The following CTIF variants were observed in gnomAD, a reference collection of about 807,000 sequenced individuals.
CTIF encodes cap binding complex dependent translation initiation factor.
Under a neutral mutation model 66.0 loss-of-function variants are expected in CTIF, and 21 were observed. The observed-to-expected ratio is 0.32, with a 90% CI of 0.23 to 0.46. CTIF has a LOEUF of 0.46. Among genes scored for constraint, CTIF ranks in the 20% least tolerant of loss-of-function variants. CTIF has a pLI of 1.00. For missense variants in CTIF, 739 were observed against 812.7 expected (o/e 0.91, Z 1.10); for synonymous variants, 345 against 326.4 (o/e 1.06, Z -0.62).
chr18:48,838,508 C>T lies in CTIF; in HGVS notation c.1528-19080C>T, dbSNP rs150495877. ...TTGATTTTTGTCCGCCCCCCTGAAA[C>T]GAGTCCCCTTTATAGTCACACTTCA... On this transcript the variant is annotated intron_variant, in intron 10 of 11. Transcript: ENST00000256413. Among the ~76,000 whole-genome samples, 106 of 152,274 alleles carry T rather than the reference C, an allele frequency of 7.0e-4. 2 individuals carry two copies. In the East Asian group the frequency reaches 8.5e-3, roughly 12 times the overall value.
At position 48,684,617 on chromosome 18, in the gene CTIF, A is replaced by C. The variant is rs55985802; in HGVS notation, c.507+13873A>C. Among the ~76,000 whole-genome samples, 74 of 152,218 alleles carry C rather than the reference A, an allele frequency of 4.9e-4. 1 individual carries two copies. In the East Asian group the frequency reaches 0.012, roughly 25 times the overall value. On this transcript the variant is annotated intron_variant, in intron 6 of 11. Coordinates refer to ENST00000256413, the MANE Select transcript of CTIF (RefSeq NM_014772.3). ...GAATTTTACTTAAATGTTTAATCAGATGATTACTTCATTAACGAATCCTGC... is the reference window on the plus strand; with the variant it reads ...GAATTTTACTTAAATGTTTAATCAGCTGATTACTTCATTAACGAATCCTGC...
chr18:48,800,858 A>G (rs1203548284), intron 9 of CTIF, among the ~76,000 whole-genome samples: 1 of 152,172 alleles, frequency 6.6e-6, no homozygotes, highest in Non-Finnish European at 1.5e-5. Flanking sequence ...AGTGATTTTC[A>G]TGTATTTTTA....
At chr18:48,831,136 C>A (rs2068682785) in intron 10 of CTIF, among the ~76,000 whole-genome samples, 1 of 152,166 alleles carries the variant, frequency 6.6e-6, no homozygotes, top group Admixed American at 6.5e-5. Flanking sequence ...GAGATGAGCT[C>A]AGAACGGGAA....
intron 9 of CTIF, among the ~76,000 whole-genome samples, chr18:48,777,056 T>C (rs1910749912): frequency 1.3e-5 from 2 of 152,218 alleles, no homozygotes; most frequent in South Asian, 4.1e-4. Context: ...AAACAGAGGG[T>C]GCCTGCTAAA....
chr18:48,596,921 A>C (rs959004725), intron 1 of CTIF, among the ~76,000 whole-genome samples: 1 of 152,176 alleles, frequency 6.6e-6, no homozygotes, highest in African/African-American at 2.4e-5. Context: ...AAGGAAGGAG[A>C]GAATGGATTT....
At chr18:48,693,722 A>T (rs1160187323) in intron 6 of CTIF, among the ~76,000 whole-genome samples, 1 of 152,212 alleles carries the variant, frequency 6.6e-6, no homozygotes, top group South Asian at 2.1e-4. Context: ...GCAAGGGTCT[A>T]TCGGCCATGA....
At chr18:48,744,295 G>A (rs1171037894) in intron 7 of CTIF, among the ~76,000 whole-genome samples, 1 of 152,134 alleles carries the variant, frequency 6.6e-6, no homozygotes, top group Non-Finnish European at 1.5e-5. Flanking sequence ...CAATTTTATT[G>A]TATTTCATTT....
chr18:48,593,626 C>G (rs2089934504), intron 1 of CTIF, among the ~76,000 whole-genome samples: 1 of 152,044 alleles, frequency 6.6e-6, no homozygotes, highest in South Asian at 2.1e-4. Flanking sequence ...TCGTGATCCG[C>G]CCGCCTCAGC....
chr18:48,570,343 G>T (rs951850548), intron 1 of CTIF, among the ~76,000 whole-genome samples: 1 of 152,240 alleles, frequency 6.6e-6, no homozygotes, highest in African/African-American at 2.4e-5. Context: ...GTTGCTGTTT[G>T]GGTGCCAGAG....
At chr18:48,689,982 G>T (rs1423792818) in intron 6 of CTIF, among the ~76,000 whole-genome samples, 1 of 152,104 alleles carries the variant, frequency 6.6e-6, no homozygotes, top group African/African-American at 2.4e-5. Context: ...TAAGCAGTTA[G>T]CCAGGACTTG....
intron 1 of CTIF, among the ~76,000 whole-genome samples, chr18:48,578,289 C>G (rs1352891158): frequency 6.6e-6 from 1 of 152,096 alleles, no homozygotes; most frequent in East Asian, 1.9e-4. Context: ...TCTGAATGTT[C>G]AAGTACAGGT....
At chr18:48,747,663 C>CT (rs1428400738) in intron 7 of CTIF, among the ~76,000 whole-genome samples, 6 of 151,658 alleles carry the variant, frequency 4.0e-5, no homozygotes, top group Admixed American at 3.3e-4. Context: ...TCCCAGCGCT[C>CT]TGAGAGGCCA....
In CTIF at chr18:48,802,779, C is replaced by T. The variant is rs75846045; in HGVS notation, c.1372-14442C>T. Among the ~76,000 whole-genome samples the T allele has an allele frequency of 3.9e-3, 601 of 152,344 alleles. 2 individuals carry two copies. Among genetic ancestry groups the T allele is most frequent in the African/African-American group, 0.014 (578 of 41,590 alleles). ...GAGCCTGGGAACTTCAGCCCCCTCACGCCCCTTGACCTGACAAGTGGTACT... is the reference window on the plus strand; with the variant it reads ...GAGCCTGGGAACTTCAGCCCCCTCATGCCCCTTGACCTGACAAGTGGTACT... On this transcript the variant is annotated intron_variant, in intron 9 of 11. Coordinates refer to ENST00000256413, the MANE Select transcript of CTIF (RefSeq NM_014772.3).
chr18:48,644,771 G>A (rs960196410), intron 3 of CTIF, among the ~76,000 whole-genome samples: 2 of 152,214 alleles, frequency 1.3e-5, no homozygotes, highest in African/African-American at 4.8e-5. Context: ...GTAGGCTGGT[G>A]TCCGCACAGG....
intron 10 of CTIF, among the ~76,000 whole-genome samples, chr18:48,830,695 G>A (rs776822002): frequency 2.0e-4 from 31 of 152,042 alleles, no homozygotes; most frequent in Non-Finnish European, 3.5e-4. Context: ...TCTTCTAGGT[G>A]CCTGTCCAGG....
At chr18:48,776,143 G>A (rs1599023340) in intron 9 of CTIF, among the ~76,000 whole-genome samples, 2 of 152,322 alleles carry the variant, frequency 1.3e-5, no homozygotes, top group Admixed American at 1.3e-4. Flanking sequence ...GAGGCAGGTG[G>A]TGTGGCACCA....
chr18:48,841,528 G>A (rs114617469), intron 10 of CTIF, among the ~76,000 whole-genome samples: 4,822 of 152,320 alleles, frequency 0.032, 79 homozygotes, highest in African/African-American at 0.054. Flanking sequence ...CAGGCCCGGC[G>A]TTCTGAGCTG....
chr18:48,650,920 A>G (rs537560158), intron 3 of CTIF, among the ~76,000 whole-genome samples: 1 of 152,290 alleles, frequency 6.6e-6, no homozygotes. Flanking sequence ...GGAGAAATAA[A>G]ACCCTTCACA....
rs1361407758 is a variant in CTIF, at chr18:48,852,169, G to A, written c.1528-5419G>A. Among the ~76,000 whole-genome samples the A allele has an allele frequency of 7.0e-5, 10 of 143,568 alleles. No individual in the cohort carries two copies. The Admixed American group carries it at 7.4e-4, about 11-fold the overall frequency. 94.2% of individuals were successfully genotyped at this position (143,568 alleles called of 152,430 possible). A position where few individuals can be genotyped will look rare whatever the true frequency, so the allele number is the denominator to read the frequency against. ...AGATTGCTTAAGCCCAGCAGGTTGA[G>A]GCTATAGTGAGCTATGATTGTATCA... On this transcript the variant is annotated intron_variant, in intron 10 of 11. Coordinates refer to ENST00000256413, the MANE Select transcript of CTIF (RefSeq NM_014772.3).
Sources: allele counts gnomAD v4.1 joint callset (sites outside exome capture counted in the v4.1 genomes callset), GRCh38; gene constraint gnomAD v4.1.1; transcripts MANE v1.5; gene names NCBI Gene and HGNC (gene_info 2026-07-23, HGNC 2026-07-21).